Variants in SPON2 observed in about 807,000 individuals in gnomAD.
SPON2 encodes the protein spondin 2, also known as spondin-2.
SPON2 carries 32 observed loss-of-function variants against 29.9 expected under a neutral mutation model. The ratio of observed to expected loss-of-function variants is 1.07; its 90% CI spans 0.81 to 1.44. The LOEUF is 1.44. SPON2 is among the 40% of genes most tolerant of loss of function. SPON2 has a pLI of 0.00. For synonymous variants in SPON2, 248 were observed against 209.1 expected, an observed-to-expected ratio of 1.19 and a Z score of -1.61; for missense variants, 541 against 455.5, an observed-to-expected ratio of 1.19 and a Z score of -1.71.
At chr4:1,195,030 A>G (rs1467860411) in exon 1 of SPON2, 35 of 111,992 alleles carry the variant, frequency 3.1e-4, no homozygotes, top group African/African-American at 1.1e-3. Flanking sequence ...GGCGGCTCCA[A>G]CCCCGCAGCC....
chr4:1,203,284 C>G (rs914719648), intron 1 of SPON2, among the ~76,000 whole-genome samples: 3 of 152,240 alleles, frequency 2.0e-5, no homozygotes, highest in African/African-American at 7.2e-5. Context: ...CAGCCCCGGG[C>G]AGCTGGGAGT....
chr4:1,196,146 G>C (rs1340920373), upstream of SPON2, among the ~76,000 whole-genome samples: 1 of 152,154 alleles, frequency 6.6e-6, no homozygotes, highest in African/African-American at 2.4e-5. Flanking sequence ...CACATCGATG[G>C]GGTGCCTAGC....
Position 1,200,901 on chromosome 4 carries a change from G to C in SPON2, c.-234+6979C>G, listed in dbSNP as rs577928569. ...ACCCTGACCACTGACTGAGCACCACGTGGTGCCTCTGCCCTGGATGTGGGC... is the reference window on the plus strand; with the variant it reads ...ACCCTGACCACTGACTGAGCACCACCTGGTGCCTCTGCCCTGGATGTGGGC... On this transcript the variant is annotated intron_variant, in intron 1 of 3. Coordinates refer to the SPON2 transcript ENST00000509233. 1.1e-5 allele frequency: 5 copies of C among 456,578 alleles called. No individual in the cohort carries two copies. In the Admixed American group the frequency reaches 1.2e-4, roughly 11 times the overall value. 28.3% of individuals were successfully genotyped at this position (456,578 alleles called of 1,614,324 possible). A position where few individuals can be genotyped will look rare whatever the true frequency, so the allele number is the denominator to read the frequency against.
chr4:1,167,817 T>C lies in SPON2; in HGVS notation c.812-161A>G, dbSNP rs1727296295. 5.8e-6 allele frequency: 4 copies of C among 685,380 alleles called. No individual in the cohort carries two copies. The South Asian group carries it at 9.8e-5, about 17-fold the overall frequency. 42.5% of individuals were successfully genotyped at this position (685,380 alleles called of 1,614,324 possible). A position where few individuals can be genotyped will look rare whatever the true frequency, so the allele number is the denominator to read the frequency against. ...CACAGTCGCAGAGTGAGCGGCAAGA[T>C]GGGATGGCACCATAGCAACCTCGGA... On this transcript the variant is annotated intron_variant, in intron 5 of 5. Transcript: ENST00000290902.
At chr4:1,191,639 C>T (rs1047638814) in intron 1 of SPON2, among the ~76,000 whole-genome samples, 4 of 152,154 alleles carry the variant, frequency 2.6e-5, no homozygotes, top group Non-Finnish European at 5.9e-5. Flanking sequence ...CCTCCTCTCA[C>T]ACCTTGGCTC....
upstream of SPON2, chr4:1,197,258 A>T (rs1728090194): frequency 6.6e-6 from 1 of 152,244 alleles, no homozygotes; most frequent in Admixed American, 6.5e-5. Context: ...ACTTCCGATA[A>T]GTCCATGTCT....
In SPON2 at chr4:1,167,580, G is replaced by A. The variant is rs762342050; in HGVS notation, c.888C>T (p.Leu296=). 2.5e-6 allele frequency: 4 copies of A among 1,613,498 alleles called. No individual in the cohort carries two copies. Among genetic ancestry groups the A allele is most frequent in the African/African-American group, 1.3e-5 (1 of 75,058 alleles). Residue 296 remains leucine (L), a synonymous_variant, in exon 6 of 6, where the codon CTC becomes CTT. Transcript: ENST00000290902. ...WGLCGGHCGR[L]GTKSRTRYVR... Reference sequence around the variant, plus strand: ...CGTAGCGAGTCCTGCTCTTGGTCCCGAGCCTCCCACAGTGGCCTCCGCACA... The same window carrying A: ...CGTAGCGAGTCCTGCTCTTGGTCCCAAGCCTCCCACAGTGGCCTCCGCACA...
chr4:1,167,905 T>G, intron 5 of SPON2: 1 of 431,496 alleles, frequency 2.3e-6, no homozygotes, highest in East Asian at 3.6e-5. Flanking sequence ...CTCAAGTCCC[T>G]GTGGTGGTGG....
rs1221987908 is a variant in SPON2, at chr4:1,171,886, C to T, written c.186G>A (p.Leu62=). 1.9e-6 allele frequency: 3 copies of T among 1,612,796 alleles called. No homozygotes were observed. Among genetic ancestry groups the T allele is most frequent in the Non-Finnish European group, 2.5e-6 (3 of 1,179,906 alleles). The part of the protein sequence containing the change: ...SQTAFPKQYP[L]FRPPAQWSSL... ...AAGACCACTGCGCAGGGGGGCGGAA[C>T]AGGGGGTACTGCTTGGGGAAGGCCG... is the stretch of plus-strand genomic sequence containing the variant. The change falls in exon 2 of 6, where the codon CTG becomes CTA. Residue 62 remains leucine (L), a synonymous_variant. Transcript: ENST00000290902.
At chr4:1,178,304 G>C (rs1465112388) in intron 2 of SPON2, among the ~76,000 whole-genome samples, 1 of 152,220 alleles carries the variant, frequency 6.6e-6, no homozygotes. Context: ...CAGGCACCAT[G>C]GGCTCTGCAC....
intron 5 of SPON2, chr4:1,167,955 C>G (rs1203081667): frequency 3.0e-6 from 1 of 335,740 alleles, no homozygotes; most frequent in Non-Finnish European, 5.4e-6. Context: ...CCCTGGGAAC[C>G]CCGTGGGAAC....
At chr4:1,174,985 G>A (rs1727563776), upstream of SPON2, among the ~76,000 whole-genome samples, 2 of 152,190 alleles carry the variant, frequency 1.3e-5, no homozygotes, top group African/African-American at 2.4e-5. Flanking sequence ...AATGGGCTTC[G>A]ATCTCATCAT....
intron 5 of SPON2, 81 bp from the exon 6 acceptor site, chr4:1,167,737 C>T: frequency 3.4e-6 from 5 of 1,451,118 alleles, no homozygotes; most frequent in Admixed American, 2.2e-5. Context: ...CTCCCACCAA[C>T]GTGTGCATTC....
intron 2 of SPON2, 97 bp downstream of exon 2, chr4:1,171,755 G>T (rs1007691424): frequency 5.4e-5 from 49 of 909,746 alleles, no homozygotes; most frequent in Non-Finnish European, 8.0e-5. Context: ...ACGTCAGCAC[G>T]CCCCAGACTG....
intron 1 of SPON2, chr4:1,200,900 C>T (rs781070406): frequency 1.4e-4 from 65 of 456,550 alleles, no homozygotes; most frequent in Non-Finnish European, 5.3e-5. Context: ...CTGAGCACCA[C>T]GTGGTGCCTC....
At chr4:1,171,778 G>C (rs1560202156) in intron 2 of SPON2, 74 bp downstream of exon 2, 1 of 1,038,688 alleles carries the variant, frequency 9.6e-7, no homozygotes, top group East Asian at 2.4e-5. Context: ...AAGCGCCGCC[G>C]TGCAGCTGTG....
Position 1,167,381 on chromosome 4 carries a change from T to G in SPON2, c.*91A>C. ...CGGTCAGGAGCAGCGCGAAACCCCC[T>G]GTGCCCTCGGCCGCCTGCAGCATGA... On this transcript the variant is annotated 3_prime_UTR_variant, in exon 6 of 6. Transcript: ENST00000290902. The G allele has an allele frequency of 7.3e-7, 1 of 1,363,570 alleles. No individual in the cohort carries two copies. The allele number at this position is 1,363,570 out of a possible 1,614,324, so 84.5% of individuals were successfully genotyped here.
intron 1 of SPON2, chr4:1,201,411 G>A: frequency 3.3e-6 from 1 of 304,180 alleles, no homozygotes; most frequent in South Asian, 2.9e-5. Context: ...TGTGATCAGG[G>A]CATCTGTGCT....
In SPON2 at chr4:1,186,027, G is replaced by C. The variant is rs553076903; in HGVS notation, c.-238-6486C>G. Among the ~76,000 whole-genome samples, 330 of 150,004 alleles carry C rather than the reference G, an allele frequency of 2.2e-3. 2 individuals carry two copies. Among genetic ancestry groups the C allele is most frequent in the African/African-American group, 7.7e-3 (319 of 41,332 alleles). On this transcript the variant is annotated intron_variant, in intron 1 of 3. Coordinates refer to the SPON2 transcript ENST00000502483. ...TGGGAGGCCGAGGCGGGCGGATCAC[G>C]AGGTCAGGAGATCGAGACCATCCTG...
Sources: allele counts gnomAD v4.1 joint callset (sites outside exome capture counted in the v4.1 genomes callset), GRCh38; gene constraint gnomAD v4.1.1; transcripts MANE v1.5; gene names NCBI Gene and HGNC (gene_info 2026-07-23, HGNC 2026-07-21).